Variants in VCL observed in about 807,000 individuals in gnomAD.
VCL encodes epididymis luminal protein 114.
Under a neutral mutation model 125.7 loss-of-function variants are expected in VCL, and 47 were observed. The observed-to-expected ratio is 0.37, with a 90% CI of 0.30 to 0.48. The LOEUF (loss-of-function observed/expected upper bound fraction) is 0.48, where lower values mean the gene tolerates loss of function less well. VCL is among the 20% of genes least tolerant of loss of function. The pLI, the probability that VCL is intolerant of heterozygous loss-of-function variation, is 0.99. For missense variants in VCL, 1,069 were observed against 1,455.5 expected, an observed-to-expected ratio of 0.73 and a Z score of 4.32; for synonymous variants, 458 against 514.6, an observed-to-expected ratio of 0.89 and a Z score of 1.49.
In VCL at chr10:74,105,512, G is replaced by A. The variant is rs57050827; in HGVS notation, c.2434+159G>A. On this transcript the variant is annotated intron_variant, in intron 16 of 21. Coordinates refer to ENST00000211998, the MANE Select transcript of VCL (RefSeq NM_014000.3). The stretch of plus-strand genomic sequence containing the variant: ...GCTAGATTAATCTTTTTCCATCCAA[G>A]TCTCTGCAGTTATCAGCAGGCTTGT... Among the ~76,000 whole-genome samples, 9,532 of 152,148 alleles carry A rather than the reference G, an allele frequency of 0.063. 939 individuals are homozygous for A. Among genetic ancestry groups the A allele is most frequent in the African/African-American group, 0.21 (8,655 of 41,474 alleles).
At chr10:74,023,310 A>G (rs976718873) in intron 1 of VCL, among the ~76,000 whole-genome samples, 1 of 152,232 alleles carries the variant, frequency 6.6e-6, no homozygotes, top group African/African-American at 2.4e-5. Context: ...CATGCTATAC[A>G]GGTTTGTAGC....
chr10:74,100,534 G>T (rs1378926519), intron 13 of VCL, among the ~76,000 whole-genome samples: 1 of 152,226 alleles, frequency 6.6e-6, no homozygotes. Flanking sequence ...GGCTTTTAAT[G>T]TACCCAGCTG....
At chr10:74,038,086 C>T (rs1841020079) in intron 1 of VCL, among the ~76,000 whole-genome samples, 1 of 151,604 alleles carries the variant, frequency 6.6e-6, no homozygotes, top group Non-Finnish European at 1.5e-5. Flanking sequence ...CAACCTCCTC[C>T]TCCCAGGTTC....
At chr10:74,045,151 A>C (rs1372765641) in intron 2 of VCL, among the ~76,000 whole-genome samples, 1 of 152,164 alleles carries the variant, frequency 6.6e-6, no homozygotes, top group Non-Finnish European at 1.5e-5. Flanking sequence ...AGCCTGGGTG[A>C]CAGGGTGAAA....
rs1840347373 is a variant in VCL, at chr10:74,118,592, T to TTAC, written c.*426_*428dup. On this transcript the variant is annotated 3_prime_UTR_variant, in exon 22 of 22. Coordinates refer to ENST00000211998, the MANE Select transcript of VCL (RefSeq NM_014000.3). The stretch of plus-strand genomic sequence containing the variant: ...AAGACCCAGGGCCCAGGCAAATCAG[T>TTAC]TACTAAGAAGAAAATTGCTGTGCCT... 1 of 259,150 alleles carries TTAC rather than the reference T, an allele frequency of 3.9e-6. No individual in the cohort carries two copies. The highest frequency in any genetic ancestry group is 4.8e-5 in the Admixed American group (1 of 20,652). The allele number at this position is 259,150 out of a possible 1,614,324, so 16.1% of individuals were successfully genotyped here. A position where few individuals can be genotyped will look rare whatever the true frequency, so the allele number is the denominator to read the frequency against.
chr10:74,066,061 A>ATATATATATATATAT (rs1441211975), intron 2 of VCL, among the ~76,000 whole-genome samples: 16 of 137,482 alleles, frequency 1.2e-4, no homozygotes, highest in African/African-American at 3.7e-4. Context: ...ATATATATAT[A>ATATATATATATATAT]TTTTTTTTTT....
At position 74,097,166 on chromosome 10, in the gene VCL, G is replaced by A; in HGVS notation, c.1744-38G>A. Reference sequence around the variant, plus strand: ...GCATTAGTAGATATGCTTTGAGGATGTATCTGGACATTTTCATATGTAAAC... The same window carrying A: ...GCATTAGTAGATATGCTTTGAGGATATATCTGGACATTTTCATATGTAAAC... On this transcript the variant is annotated intron_variant, in intron 12 of 21. Transcript: ENST00000211998. This position sits in a 1 kb window ranked among gnomAD's most constrained non-coding sequence, Gnocchi z 4.1. 6.2e-7 allele frequency: 1 copy of A among 1,609,516 alleles called. No individual in the cohort carries two copies. Among genetic ancestry groups the A allele is most frequent in the Non-Finnish European group, 8.5e-7 (1 of 1,178,108 alleles).
At chr10:74,074,703 TTAA>T in intron 5 of VCL, 37 bp from the exon 6 acceptor site, 1 of 1,605,520 alleles carries the variant, frequency 6.2e-7, no homozygotes. Context: ...TACAACAAGA[TTAA>T]ATTCCAAGCT....
In VCL at chr10:74,119,492, T is replaced by C. The variant is rs939231282; in HGVS notation, c.*1323T>C. On this transcript the variant is annotated 3_prime_UTR_variant, in exon 22 of 22. Transcript: ENST00000211998. Reference sequence around the variant, plus strand: ...GTATGGGGTTCAAGAGAGTAATGGGTTTCATATTTCTTATCACCACAGTAA... The same window carrying C: ...GTATGGGGTTCAAGAGAGTAATGGGCTTCATATTTCTTATCACCACAGTAA... 1.4e-4 allele frequency: 21 copies of C among 152,104 alleles called. No homozygotes were observed. The highest frequency in any genetic ancestry group is 4.1e-4 in the African/African-American group (17 of 41,344). 9.4% of individuals were successfully genotyped at this position (152,104 alleles called of 1,614,324 possible). A position where few individuals can be genotyped will look rare whatever the true frequency, so the allele number is the denominator to read the frequency against.
chr10:74,104,706 ATAT>A (rs1254494674), intron 15 of VCL, among the ~76,000 whole-genome samples: 1 of 152,122 alleles, frequency 6.6e-6, no homozygotes, highest in African/African-American at 2.4e-5. Context: ...CAGGGAGAAA[ATAT>A]TATTCACAGA....
intron 1 of VCL, among the ~76,000 whole-genome samples, chr10:74,034,484 T>C (rs1324151737): frequency 6.6e-6 from 1 of 152,252 alleles, no homozygotes; most frequent in African/African-American, 2.4e-5. Context: ...TGAAACTTCC[T>C]GTACCTCACC....
chr10:74,096,291 G>C (rs765829520), intron 12 of VCL, among the ~76,000 whole-genome samples: 9 of 151,880 alleles, frequency 5.9e-5, no homozygotes, highest in Non-Finnish European at 1.3e-4. Flanking sequence ...GAACCTGGGA[G>C]GCAGAGGTTG....
intron 10 of VCL, among the ~76,000 whole-genome samples, chr10:74,091,832 AAGAG>A (rs1229071394): frequency 1.3e-5 from 2 of 151,282 alleles, no homozygotes; most frequent in Non-Finnish European, 2.9e-5. Context: ...AAAGAAAAAA[AAGAG>A]AGAGACAGAG....
chr10:74,063,090 C>T lies in VCL; in HGVS notation c.240-7580C>T, dbSNP rs116336780. Among the ~76,000 whole-genome samples, 969 of 151,892 alleles carry T rather than the reference C, an allele frequency of 6.4e-3. 9 individuals carry two copies. The highest frequency in any genetic ancestry group is 0.022 in the African/African-American group (916 of 41,438). On this transcript the variant is annotated intron_variant, in intron 2 of 21. Transcript: ENST00000211998. ...GTCTAAAAAAAAGAAGACAGGGTCT[C>T]CCTGAGTTGCCCAGGCTGGTCTTGA...
chr10:74,086,482 AAAG>A (rs1451956820), intron 8 of VCL, among the ~76,000 whole-genome samples: 2 of 152,244 alleles, frequency 1.3e-5, no homozygotes, highest in African/African-American at 2.4e-5. Flanking sequence ...AAAAGGACAA[AAAG>A]AAGTTTTGTT....
intron 21 of VCL, 84 bp from the exon 22 acceptor site, chr10:74,117,939 C>T: frequency 6.3e-7 from 1 of 1,576,850 alleles, no homozygotes; most frequent in Non-Finnish European, 8.7e-7. Flanking sequence ...GGGTTAGCTG[C>T]ATCCCACTCC....
chr10:74,034,348 T>C (rs1840934782), intron 1 of VCL, among the ~76,000 whole-genome samples: 2 of 152,212 alleles, frequency 1.3e-5, no homozygotes. Flanking sequence ...TTTCCAGCTA[T>C]GTTTCCTGAG....
intron 1 of VCL, among the ~76,000 whole-genome samples, chr10:74,016,572 GCGAGA>G (rs768935250): frequency 1.6e-4 from 24 of 152,244 alleles, no homozygotes; most frequent in Admixed American, 3.3e-4. Flanking sequence ...GGGCAACAGA[GCGAGA>G]CTCTGTCTCA....
intron 1 of VCL, among the ~76,000 whole-genome samples, chr10:74,025,292 C>A (rs1255486669): frequency 6.6e-6 from 1 of 152,050 alleles, no homozygotes; most frequent in Non-Finnish European, 1.5e-5. Context: ...GCTGGGAATA[C>A]AGGCGTAGCC....
Sources: allele counts gnomAD v4.1 joint callset (sites outside exome capture counted in the v4.1 genomes callset), GRCh38; gene constraint gnomAD v4.1.1; non-coding constraint Gnocchi (gnomAD v3.1); transcripts MANE v1.5; gene names NCBI Gene and HGNC (gene_info 2026-07-23, HGNC 2026-07-21).